The following FAAH2 variants were observed in gnomAD, a reference collection of about 807,000 sequenced individuals.
FAAH2 encodes the protein fatty acid amide hydrolase 2, also known as fatty-acid amide hydrolase 2.
Under a neutral mutation model 36.9 loss-of-function variants are expected in FAAH2, and 60 were observed. That is an observed-to-expected ratio of 1.63 (90% CI 1.32 to 2.02). The LOEUF is 2.02. Among genes scored for constraint, FAAH2 ranks in the 30% most tolerant of loss-of-function variants. FAAH2 has a pLI of 0.00. For missense variants in FAAH2, 689 were observed against 397.5 expected, an observed-to-expected ratio of 1.73 and a Z score of -6.23; for synonymous variants, 214 against 143.8, an observed-to-expected ratio of 1.49 and a Z score of -3.49.
chrX:57,240,045 C>T, the FAAH2 span, among the ~76,000 whole-genome samples: 1 of 112,077 alleles, frequency 8.9e-6, no homozygotes, highest in East Asian at 2.8e-4. Flanking sequence ...CCATTTTGGT[C>T]TGGTTAAAAA....
chrX:57,330,490 T>C (rs1426212174), intron 3 of FAAH2, among the ~76,000 whole-genome samples: 1 of 111,836 alleles, frequency 8.9e-6, no homozygotes, highest in African/African-American at 3.3e-5. Flanking sequence ...TTAGCAATTT[T>C]AATTTTGCCC....
At chrX:57,292,266 T>C (rs1029048302) in intron 1 of FAAH2, among the ~76,000 whole-genome samples, 2 of 111,776 alleles carry the variant, frequency 1.8e-5, no homozygotes, top group Admixed American at 9.5e-5. Context: ...CTTTTATCCC[T>C]ACTCATTGTT....
the FAAH2 span, among the ~76,000 whole-genome samples, chrX:57,160,161 A>G: frequency 9.0e-6 from 1 of 111,680 alleles, no homozygotes; most frequent in Admixed American, 9.5e-5. Context: ...TGTATGTTGA[A>G]CCACCCTTGA....
intron 3 of FAAH2, 60 bp downstream of exon 3, chrX:57,310,789 A>G: frequency 9.1e-7 from 1 of 1,095,239 alleles, no homozygotes; most frequent in Non-Finnish European, 1.2e-6. Flanking sequence ...CATTTTCTAA[A>G]CTTATAAACT....
chrX:57,423,317 A>G (rs2056082062), intron 7 of FAAH2, among the ~76,000 whole-genome samples: 1 of 111,677 alleles, frequency 9.0e-6, no homozygotes, highest in Non-Finnish European at 1.9e-5. Flanking sequence ...CAGAACTGAG[A>G]GGTGAGTGTG....
intron 5 of FAAH2, among the ~76,000 whole-genome samples, chrX:57,366,152 C>CT (rs1333787866): frequency 1.8e-5 from 2 of 111,721 alleles, no homozygotes; most frequent in East Asian, 2.8e-4. Flanking sequence ...TTCTTTCTTT[C>CT]TTTTTTCCAT....
In FAAH2 at chrX:57,446,544, A is replaced by G. The variant is rs1174329706; in HGVS notation, c.1117-384A>G. Reference sequence around the variant, plus strand: ...TTAGAATATTTTCGTCATTCCTAAAAGAGACCTCGTACTCATTATCAGTCA... The same window carrying G: ...TTAGAATATTTTCGTCATTCCTAAAGGAGACCTCGTACTCATTATCAGTCA... On this transcript the variant is annotated intron_variant, in intron 8 of 10. Coordinates refer to ENST00000374900, the MANE Select transcript of FAAH2 (RefSeq NM_174912.4). Among the ~76,000 whole-genome samples, 3 of 112,142 alleles carry G rather than the reference A, an allele frequency of 2.7e-5. No homozygotes were observed. The Admixed American group carries it at 2.8e-4, about 11-fold the overall frequency.
the FAAH2 span, among the ~76,000 whole-genome samples, chrX:57,144,069 G>A: frequency 8.9e-6 from 1 of 111,963 alleles, no homozygotes; most frequent in Non-Finnish European, 1.9e-5. Flanking sequence ...TCAAGTTAAA[G>A]ATAACTTTGC....
At chrX:57,322,054 TGA>T (rs1227515300) in intron 3 of FAAH2, among the ~76,000 whole-genome samples, 1 of 96,686 alleles carries the variant, frequency 1.0e-5, no homozygotes, top group Non-Finnish European at 2.2e-5. Flanking sequence ...TTTTTTTTTT[TGA>T]GACGGAGTCT....
At chrX:57,467,717 T>C (rs2057077622) in intron 10 of FAAH2, among the ~76,000 whole-genome samples, 1 of 111,933 alleles carries the variant, frequency 8.9e-6, no homozygotes, top group Admixed American at 9.4e-5. Context: ...CTCTGCAGAC[T>C]TAAATGTCCC....
At chrX:57,124,002 G>A in the FAAH2 span, among the ~76,000 whole-genome samples, 5 of 111,564 alleles carry the variant, frequency 4.5e-5, no homozygotes, top group Non-Finnish European at 9.4e-5. Flanking sequence ...AAGCTCTTTA[G>A]TTTAATTAGA....
chrX:57,257,804 A>C, the FAAH2 span, among the ~76,000 whole-genome samples: 34 of 111,534 alleles, frequency 3.0e-4, no homozygotes, highest in South Asian at 3.0e-3. Flanking sequence ...TCTATAGGAG[A>C]GTGATTAAGG....
chrX:57,464,533 A>G, intron 10 of FAAH2, among the ~76,000 whole-genome samples: 1 of 108,763 alleles, frequency 9.2e-6, no homozygotes, highest in Non-Finnish European at 1.9e-5. Flanking sequence ...AAAAAAAAAA[A>G]AAAAAATTGA....
intron 2 of FAAH2, among the ~76,000 whole-genome samples, chrX:57,309,594 T>G (rs2052634368): frequency 8.9e-6 from 1 of 111,744 alleles, no homozygotes; most frequent in Non-Finnish European, 1.9e-5. Context: ...GCATTAGCTA[T>G]TTTATCTGAT....
the FAAH2 span, among the ~76,000 whole-genome samples, chrX:57,193,832 T>G: frequency 8.9e-6 from 1 of 112,166 alleles, no homozygotes; most frequent in East Asian, 2.8e-4. Context: ...TCACATTGAT[T>G]GAGTATGCTG....
At chrX:57,331,098 C>A (rs1569266301) in intron 3 of FAAH2, among the ~76,000 whole-genome samples, 1 of 111,528 alleles carries the variant, frequency 9.0e-6, no homozygotes, top group Non-Finnish European at 1.9e-5. Context: ...GCCAGTCTAG[C>A]CTAGGGGCAT....
Position 57,331,628 on chromosome X carries a change from G to A in FAAH2, c.443G>A (p.Arg148His), listed in dbSNP as rs150724537. ...CCCAATTCTTCTGGACTCATGAACC[G>A]TCGTGATGCCATTGCCAAAACAGAT... ...GMPNSSGLMNRRDAIAKTDAT... is the reference protein window; with the variant it reads ...GMPNSSGLMNHRDAIAKTDAT... Residue 148 changes from arginine (R) to histidine (H), a missense_variant, in exon 4 of 11, where the codon CGT (arginine) becomes CAT (histidine). Coordinates refer to ENST00000374900, the MANE Select transcript of FAAH2 (RefSeq NM_174912.4). 610 of 1,209,388 alleles carry A rather than the reference G, an allele frequency of 5.0e-4. 3 individuals are homozygous for A. The South Asian group carries it at 5.9e-3, about 12-fold the overall frequency.
the FAAH2 span, chrX:57,135,666 T>C: frequency 9.4e-7 from 1 of 1,068,390 alleles, no homozygotes; most frequent in Non-Finnish European, 1.2e-6. Context: ...ATTCACAAAT[T>C]TGTATTTTTT....
intron 8 of FAAH2, among the ~76,000 whole-genome samples, chrX:57,444,758 A>T (rs1269292406): frequency 1.8e-5 from 2 of 111,542 alleles, no homozygotes; most frequent in Admixed American, 1.9e-4. Flanking sequence ...CTTACTAATT[A>T]CTTATTCTAT....
Sources: gnomAD v4.1 joint callset for allele counts (sites outside exome capture counted in the v4.1 genomes callset) on GRCh38, gnomAD v4.1.1 for gene constraint, MANE v1.5 for transcripts, NCBI Gene and HGNC (gene_info 2026-07-23, HGNC 2026-07-21) for gene names.